CELF1: variants seen among roughly 807,000 people sequenced by gnomAD.
The protein encoded by CELF1 is CUGBP Elav-like family member 1.
Under a neutral mutation model 61.8 loss-of-function variants are expected in CELF1, and 10 were observed. The observed-to-expected ratio is 0.16, with a 90% CI of 0.10 to 0.27. The LOEUF (loss-of-function observed/expected upper bound fraction) is 0.27, where lower values mean the gene tolerates loss of function less well. CELF1 is among the 10% of genes least tolerant of loss of function. The probability of loss-of-function intolerance (pLI) is 1.00; values close to 1 mark genes in which losing one functional copy is unlikely to be tolerated. For synonymous variants in CELF1, 236 were observed against 225.1 expected (o/e 1.05, Z -0.43); for missense variants, 380 against 639.1 (o/e 0.59, Z 4.37).
chr11:47,563,126 G>A (rs563130966), intron 2 of CELF1, among the ~76,000 whole-genome samples: 1 of 152,156 alleles, frequency 6.6e-6, no homozygotes, highest in South Asian at 2.1e-4. Context: ...TGAGGTAGGA[G>A]GACTGCTTGC....
At chr11:47,529,930 CAGA>C (rs1297872762) in intron 1 of CELF1, among the ~76,000 whole-genome samples, 1 of 152,090 alleles carries the variant, frequency 6.6e-6, no homozygotes, top group Non-Finnish European at 1.5e-5. Flanking sequence ...AACCTGTCAG[CAGA>C]AGTACTATAT....
chr11:47,536,274 G>A (rs1037419016), intron 1 of CELF1, among the ~76,000 whole-genome samples: 2 of 152,090 alleles, frequency 1.3e-5, no homozygotes, highest in African/African-American at 2.4e-5. Context: ...ACTGAGGCAC[G>A]AGAATTACTT....
chr11:47,526,018 C>T (rs907480091), intron 1 of CELF1, among the ~76,000 whole-genome samples: 1 of 152,032 alleles, frequency 6.6e-6, no homozygotes, highest in African/African-American at 2.4e-5. Flanking sequence ...CTTATCCCAC[C>T]TACCAGAACT....
At chr11:47,526,855 A>G (rs1306743274) in intron 1 of CELF1, among the ~76,000 whole-genome samples, 1 of 152,094 alleles carries the variant, frequency 6.6e-6, no homozygotes, top group Non-Finnish European at 1.5e-5. Flanking sequence ...GTTCAAGACC[A>G]GCCTGGCCAA....
intron 1 of CELF1, among the ~76,000 whole-genome samples, chr11:47,538,793 C>A (rs574246800): frequency 6.6e-6 from 1 of 152,120 alleles, no homozygotes; most frequent in Non-Finnish European, 1.5e-5. Context: ...AACAAAATCA[C>A]GTTAGAAGCG....
At chr11:47,487,128 C>T (rs780552214) in intron 5 of CELF1, 31 bp downstream of exon 5, 1 of 1,532,268 alleles carries the variant, frequency 6.5e-7, no homozygotes, top group Non-Finnish European at 9.0e-7. Flanking sequence ...AAAGTTACCA[C>T]ATTTCCATTT....
chr11:47,547,065 C>CAAAAAAAAAAAAAACAAAAAAAAAA (rs2096973802), intron 1 of CELF1, among the ~76,000 whole-genome samples: 1 of 39,954 alleles, frequency 2.5e-5, no homozygotes, highest in Non-Finnish European at 3.8e-5. Context: ...AACTCCACCT[C>CAAAAAAAAAAAAAACAAAAAAAAAA]AAAAAAAAAA....
chr11:47,477,409 C>T lies in CELF1; in HGVS notation c.861G>A (p.Gln287=). Residue 287 remains glutamine, a synonymous_variant, in exon 11 of 15, where the codon CAG becomes CAA. Coordinates refer to ENST00000687097, the MANE Select transcript of CELF1 (RefSeq NM_001376376.1). ...CAGCTAGTGCAGCCAAATTCTGTAA[C>T]TGCATTGCATTCAACCCTACAACAT... is the stretch of plus-strand genomic sequence containing the variant. ...LHPMGGLNAM[Q]LQNLAALAAA... is the part of the protein sequence containing the mutation. 1 of 1,613,968 alleles carries T rather than the reference C, an allele frequency of 6.2e-7. No individual in the cohort carries two copies. The highest frequency in any genetic ancestry group is 8.5e-7 in the Non-Finnish European group (1 of 1,179,964).
At chr11:47,504,930 T>G (rs2094355542) in intron 1 of CELF1, among the ~76,000 whole-genome samples, 1 of 150,466 alleles carries the variant, frequency 6.6e-6, no homozygotes, top group Non-Finnish European at 1.5e-5. Flanking sequence ...AATTTCCATT[T>G]CAAATCTAAA....
chr11:47,557,231 T>C (rs147835926), upstream of CELF1, among the ~76,000 whole-genome samples: 1 of 150,370 alleles, frequency 6.7e-6, no homozygotes, highest in East Asian at 2.0e-4. Flanking sequence ...GTTTTGTTTT[T>C]TTTTTGAGGC....
intron 1 of CELF1, among the ~76,000 whole-genome samples, chr11:47,547,129 A>G (rs1481659696): frequency 3.1e-4 from 47 of 151,098 alleles, no homozygotes; most frequent in Non-Finnish European, 1.6e-4. Context: ...AAAGATAGGA[A>G]AATCTGACTA....
In CELF1 at chr11:47,531,244, AAAC is replaced by A. The variant is rs553113820; in HGVS notation, c.-154+21745_-154+21747del. On this transcript the variant is annotated intron_variant, in intron 1 of 14. Coordinates refer to ENST00000687097, the MANE Select transcript of CELF1 (RefSeq NM_001376376.1). ...CTTGTCACAGCAAGACTCCGAATCA[AAAC>A]AACAACAACAACAACAACAAAAAAC... 7.2e-3 allele frequency among the ~76,000 whole-genome samples: 1,090 copies of A among 151,402 alleles called. 8 individuals carry two copies. Among genetic ancestry groups the A allele is most frequent in the Middle Eastern group, 0.01 (3 of 294 alleles).
intron 1 of CELF1, among the ~76,000 whole-genome samples, chr11:47,533,344 G>A (rs1047550022): frequency 1.4e-4 from 21 of 152,104 alleles, no homozygotes; most frequent in African/African-American, 4.1e-4. Flanking sequence ...AAAATTGGCC[G>A]GGTATAGTGG....
At chr11:47,527,212 G>A (rs1197681266) in intron 1 of CELF1, among the ~76,000 whole-genome samples, 1 of 151,884 alleles carries the variant, frequency 6.6e-6, no homozygotes. Context: ...AACATAAGGA[G>A]ACCTCATCTC....
chr11:47,554,786 C>T (rs1423269542), upstream of CELF1, among the ~76,000 whole-genome samples: 6 of 151,894 alleles, frequency 4.0e-5, no homozygotes, highest in East Asian at 1.9e-4. Context: ...CTCAGCCTCC[C>T]GAGTAGCTGG....
intron 1 of CELF1, among the ~76,000 whole-genome samples, chr11:47,509,509 G>C (rs111267298): frequency 0.016 from 2,412 of 152,154 alleles, 50 homozygotes; most frequent in African/African-American, 0.048. Context: ...AGCTATGCTG[G>C]CACCACTGCA....
intron 1 of CELF1, among the ~76,000 whole-genome samples, chr11:47,550,007 G>C (rs1451243224): frequency 6.6e-6 from 1 of 151,714 alleles, no homozygotes; most frequent in Non-Finnish European, 1.5e-5. Flanking sequence ...AGTGGAGATG[G>C]GGTTTGACCA....
At chr11:47,550,522 G>A (rs1021962346) in intron 1 of CELF1, among the ~76,000 whole-genome samples, 1 of 152,078 alleles carries the variant, frequency 6.6e-6, no homozygotes, top group Non-Finnish European at 1.5e-5. Context: ...GCGGGGTTGG[G>A]GGGGACCGGA....
At chr11:47,551,715 T>C (rs1035353625) in intron 1 of CELF1, among the ~76,000 whole-genome samples, 3 of 152,216 alleles carry the variant, frequency 2.0e-5, no homozygotes, top group Non-Finnish European at 2.9e-5. Flanking sequence ...AAAAGAACTT[T>C]AAAAGGTGAA....
Sources: allele counts gnomAD v4.1 joint callset (sites outside exome capture counted in the v4.1 genomes callset), GRCh38; gene constraint gnomAD v4.1.1; transcripts MANE v1.5; gene names NCBI Gene and HGNC (gene_info 2026-07-23, HGNC 2026-07-21).